Variants in CFAP20DC observed in about 807,000 individuals in gnomAD.
CFAP20DC encodes protein CFAP20DC.
In CFAP20DC, 84 loss-of-function variants were observed where a neutral mutation model predicts 101.7. The ratio of observed to expected loss-of-function variants is 0.83; its 90% CI spans 0.69 to 0.99. The LOEUF is 0.99. Ranked by LOEUF, CFAP20DC falls within the 50% of genes least tolerant of loss-of-function variation. CFAP20DC has a pLI of 0.00. For missense variants in CFAP20DC, 1,007 were observed against 970.3 expected, an observed-to-expected ratio of 1.04 and a Z score of -0.50; for synonymous variants, 359 against 351.2, an observed-to-expected ratio of 1.02 and a Z score of -0.25.
At chr3:58,751,383 C>T (rs778357311) in intron 16 of CFAP20DC, among the ~76,000 whole-genome samples, 8 of 152,112 alleles carry the variant, frequency 5.3e-5, no homozygotes, top group Non-Finnish European at 1.2e-4. Flanking sequence ...ATGCAAATAC[C>T]CAGGCCCGGC....
chr3:59,022,868 C>T (rs896410201), intron 4 of CFAP20DC, among the ~76,000 whole-genome samples: 3 of 152,108 alleles, frequency 2.0e-5, no homozygotes, highest in Non-Finnish European at 4.4e-5. Context: ...CTGTGGTGTT[C>T]CATAGCTTTA....
At chr3:58,969,736 A>G (rs1391578686) in intron 4 of CFAP20DC, among the ~76,000 whole-genome samples, 1 of 152,306 alleles carries the variant, frequency 6.6e-6, no homozygotes, top group East Asian at 1.9e-4. Context: ...TACAATATGG[A>G]TAAACCTTGA....
chr3:58,718,160 G>C (rs542543596), intron 3 of CFAP20DC, among the ~76,000 whole-genome samples: 3 of 152,178 alleles, frequency 2.0e-5, no homozygotes, highest in Admixed American at 6.5e-5. Context: ...AGGGAAGCAG[G>C]GATAAAAATG....
At chr3:58,977,766 A>G (rs1469035197) in intron 4 of CFAP20DC, among the ~76,000 whole-genome samples, 1 of 151,756 alleles carries the variant, frequency 6.6e-6, no homozygotes, top group Non-Finnish European at 1.5e-5. Context: ...AGGAGTCAGG[A>G]AATTTGAAAA....
At chr3:58,936,170 A>G in intron 5 of CFAP20DC, among the ~76,000 whole-genome samples, 1 of 152,218 alleles carries the variant, frequency 6.6e-6, no homozygotes, top group Admixed American at 6.5e-5. Flanking sequence ...CACACATGAA[A>G]AAATGCTCAT....
rs1381628455 is a variant in CFAP20DC, at chr3:58,722,699, G to C, written c.198-5071C>G. Among the ~76,000 whole-genome samples, 2 of 152,168 alleles carry C rather than the reference G, an allele frequency of 1.3e-5. No individual in the cohort carries two copies. The highest frequency in any genetic ancestry group is 2.9e-5 in the Non-Finnish European group (2 of 68,042). ...ACACTGACTGTGATTTTCTGCCCGAGTCCTTATTTAATTGTTATTTTGGGA... is the reference window on the plus strand; with the variant it reads ...ACACTGACTGTGATTTTCTGCCCGACTCCTTATTTAATTGTTATTTTGGGA... On this transcript the variant is annotated intron_variant, in intron 3 of 3. Coordinates refer to the CFAP20DC transcript ENST00000486145. This position sits in a 1 kb window ranked among gnomAD's most constrained non-coding sequence, Gnocchi z 4.5.
At chr3:58,871,509 G>T (rs556471445) in intron 7 of CFAP20DC, among the ~76,000 whole-genome samples, 1 of 151,188 alleles carries the variant, frequency 6.6e-6, no homozygotes, top group South Asian at 2.1e-4. Context: ...TATATGGGCC[G>T]CATGACTGAA....
Position 58,788,447 on chromosome 3 carries a change from C to T in CFAP20DC, c.2237+17948G>A, listed in dbSNP as rs76878760. The stretch of plus-strand genomic sequence containing the variant: ...TAATGGGGAGCAAATGGGGAATCAA[C>T]GAGAAAAATTTCTTACCTTTAGTTT... On this transcript the variant is annotated intron_variant, in intron 15 of 16. Coordinates refer to ENST00000482387, the MANE Select transcript of CFAP20DC (RefSeq NM_001394063.1). The surrounding 1 kb of genome is among the most constrained non-coding windows in gnomAD (Gnocchi z 4.2). 2.9e-3 allele frequency among the ~76,000 whole-genome samples: 445 copies of T among 152,220 alleles called. 1 individual carries two copies. Among genetic ancestry groups the T allele is most frequent in the Non-Finnish European group, 5.1e-3 (344 of 68,002 alleles).
intron 4 of CFAP20DC, among the ~76,000 whole-genome samples, chr3:59,037,437 A>T (rs1437333396): frequency 2.0e-5 from 3 of 148,506 alleles, no homozygotes; most frequent in African/African-American, 7.5e-5. Flanking sequence ...ATTTACAATA[A>T]AAAAAAAAAA....
In CFAP20DC at chr3:58,887,302, T is replaced by A. The variant is rs1220813091; in HGVS notation, c.551-2593A>T. The A allele has an allele frequency of 5.3e-5, 8 of 152,330 alleles. 1 individual carries two copies. The highest frequency in any genetic ancestry group is 4.1e-4 in the South Asian group (2 of 4,832). 9.4% of individuals were successfully genotyped at this position (152,330 alleles called of 1,614,324 possible). On this transcript the variant is annotated intron_variant, in intron 6 of 16. Coordinates refer to ENST00000482387, the MANE Select transcript of CFAP20DC (RefSeq NM_001394063.1). Reference sequence around the variant, plus strand: ...AACTTCAGATATATTTGACATATACTTCAAAACTCCTTTGAGATAGAAGAA... The same window carrying A: ...AACTTCAGATATATTTGACATATACATCAAAACTCCTTTGAGATAGAAGAA...
At chr3:58,924,067 T>C (rs1411328876) in intron 5 of CFAP20DC, among the ~76,000 whole-genome samples, 1 of 152,202 alleles carries the variant, frequency 6.6e-6, no homozygotes, top group African/African-American at 2.4e-5. Flanking sequence ...TTTTTTTCAG[T>C]TCTAGAATGC....
At chr3:58,837,880 T>A (rs1386829792) in intron 13 of CFAP20DC, among the ~76,000 whole-genome samples, 1 of 152,196 alleles carries the variant, frequency 6.6e-6, no homozygotes, top group African/African-American at 2.4e-5. Flanking sequence ...CTTCTCTCTA[T>A]TGCTATTTGC....
intron 15 of CFAP20DC, among the ~76,000 whole-genome samples, chr3:58,782,008 T>C (rs1030020572): frequency 5.9e-5 from 9 of 151,996 alleles, no homozygotes; most frequent in African/African-American, 1.9e-4. Flanking sequence ...GTGATGAATA[T>C]AGATGCAAAA....
At chr3:58,748,494 G>A (rs2068355760) in intron 16 of CFAP20DC, among the ~76,000 whole-genome samples, 1 of 152,082 alleles carries the variant, frequency 6.6e-6, no homozygotes, top group South Asian at 2.1e-4. Context: ...GTGAGGCACT[G>A]ATTTCCCCCG....
intron 4 of CFAP20DC, among the ~76,000 whole-genome samples, chr3:58,980,289 G>C (rs575096754): frequency 6.6e-6 from 1 of 152,112 alleles, no homozygotes; most frequent in African/African-American, 2.4e-5. Flanking sequence ...AGGAGGAGCT[G>C]GTACCATTCC....
At chr3:58,954,645 A>G (rs1354282413) in intron 4 of CFAP20DC, among the ~76,000 whole-genome samples, 2 of 152,186 alleles carry the variant, frequency 1.3e-5, no homozygotes, top group African/African-American at 2.4e-5. Flanking sequence ...CTAATGTTGC[A>G]TGATTAGTAT....
intron 6 of CFAP20DC, among the ~76,000 whole-genome samples, chr3:58,898,908 G>GT (rs541689992): frequency 0.054 from 7,767 of 144,592 alleles, 533 homozygotes; most frequent in African/African-American, 0.16. Flanking sequence ...TTTTCTCTTT[G>GT]TTTTTTTTTT....
chr3:58,852,666 C>G (rs944099734), intron 12 of CFAP20DC, among the ~76,000 whole-genome samples: 36 of 149,956 alleles, frequency 2.4e-4, no homozygotes, highest in Admixed American at 2.4e-3. Flanking sequence ...AACTAGAACT[C>G]AGGATTAAGA....
chr3:58,869,418 T>C lies in CFAP20DC; in HGVS notation c.925A>G (p.Thr309Ala). ...GGTATCAGCAAGGCTGACATTTCTG[T>C]ACCATTAACACACTTCTCTACAGTG... ...PSTVEKCVNG[T>A]EMSALLIPES... Residue 309 changes from threonine to alanine, a missense_variant, in exon 9 of 17, where the codon ACA (threonine) becomes GCA (alanine). By Grantham distance (58) the Thr-to-Ala change is moderately conservative. Transcript: ENST00000482387. This position sits in a 1 kb window ranked among gnomAD's most constrained non-coding sequence, Gnocchi z 4.3. 1.2e-6 allele frequency: 2 copies of C among 1,613,932 alleles called. No homozygotes were observed. Among genetic ancestry groups the C allele is most frequent in the Non-Finnish European group, 1.7e-6 (2 of 1,179,840 alleles).
Sources: allele counts gnomAD v4.1 joint callset (sites outside exome capture counted in the v4.1 genomes callset), GRCh38; gene constraint gnomAD v4.1.1; non-coding constraint Gnocchi (gnomAD v3.1); transcripts MANE v1.5; gene names NCBI Gene and HGNC (gene_info 2026-07-23, HGNC 2026-07-21).